Variants in RUNDC3B observed in about 807,000 individuals in gnomAD.
The protein encoded by RUNDC3B is RUN domain-containing protein 3B.
In RUNDC3B, 33 loss-of-function variants were observed where a neutral mutation model predicts 58.4. The ratio of observed to expected loss-of-function variants is 0.56; its 90% CI spans 0.43 to 0.75. RUNDC3B has a LOEUF of 0.75. Ranked by LOEUF, RUNDC3B falls within the 30% of genes least tolerant of loss-of-function variation. The probability of loss-of-function intolerance (pLI) is 0.00; values close to 1 mark genes in which losing one functional copy is unlikely to be tolerated. For missense variants in RUNDC3B, 501 were observed against 535.7 expected, an observed-to-expected ratio of 0.94 and a Z score of 0.64; for synonymous variants, 193 against 195.2, an observed-to-expected ratio of 0.99 and a Z score of 0.10.
chr7:87,631,205 TTGTC>T (rs984207143), intron 1 of RUNDC3B, among the ~76,000 whole-genome samples: 1 of 152,200 alleles, frequency 6.6e-6, no homozygotes, highest in African/African-American at 2.4e-5. Context: ...ATGATAGGCT[TTGTC>T]TGAATGACTT....
chr7:87,655,154 G>T (rs563888193), intron 2 of RUNDC3B, among the ~76,000 whole-genome samples: 1 of 152,146 alleles, frequency 6.6e-6, no homozygotes, highest in East Asian at 1.9e-4. Context: ...ACTGCCATTA[G>T]TCTTCTATGT....
intron 7 of RUNDC3B, among the ~76,000 whole-genome samples, chr7:87,773,605 G>C (rs1834423792): frequency 6.6e-6 from 1 of 152,054 alleles, no homozygotes; most frequent in Admixed American, 6.6e-5. Flanking sequence ...AAGCATATAT[G>C]GAACAGCTAT....
chr7:87,829,246 T>C (rs538921324), intron 10 of RUNDC3B, among the ~76,000 whole-genome samples: 2 of 152,336 alleles, frequency 1.3e-5, no homozygotes, highest in South Asian at 4.1e-4. Flanking sequence ...ACAAATATTT[T>C]CTCCCATTCT....
intron 4 of RUNDC3B, among the ~76,000 whole-genome samples, chr7:87,728,763 G>T (rs1831396254): frequency 6.6e-6 from 1 of 152,106 alleles, no homozygotes; most frequent in South Asian, 2.1e-4. Context: ...ATATATTTTA[G>T]AAGGCATTAT....
intron 2 of RUNDC3B, among the ~76,000 whole-genome samples, chr7:87,699,307 A>C (rs1056838210): frequency 6.6e-6 from 1 of 152,346 alleles, no homozygotes; most frequent in South Asian, 2.1e-4. Flanking sequence ...GACTAGTCAT[A>C]CTAGACAACT....
chr7:87,774,317 TA>T (rs1371464776), intron 7 of RUNDC3B, among the ~76,000 whole-genome samples: 1 of 151,862 alleles, frequency 6.6e-6, no homozygotes, highest in African/African-American at 2.4e-5. Flanking sequence ...CAATGAAAAT[TA>T]AAGAGATAAG....
intron 4 of RUNDC3B, among the ~76,000 whole-genome samples, chr7:87,714,729 AGGAC>A (rs1830393562): frequency 6.6e-6 from 1 of 152,074 alleles, no homozygotes; most frequent in Non-Finnish European, 1.5e-5. Flanking sequence ...TGGCAAGATG[AGGAC>A]GTTTATAGCC....
chr7:87,694,881 G>A (rs1828364486), intron 2 of RUNDC3B, among the ~76,000 whole-genome samples: 1 of 151,930 alleles, frequency 6.6e-6, no homozygotes, highest in East Asian at 1.9e-4. Context: ...TTTTTGTTTT[G>A]GAAAATTAAG....
rs148832461 is a variant in RUNDC3B, at chr7:87,729,170, G to A, written c.459-10621G>A. Among the ~76,000 whole-genome samples the A allele has an allele frequency of 1.7e-3, 256 of 152,140 alleles. 6 individuals are homozygous for A. The East Asian group carries it at 0.039, about 23-fold the overall frequency. ...AATATATAATAACTGAGGAAAGTGGGGCAAGATGGATGAAAAGAAGGCTCC... is the reference window on the plus strand; with the variant it reads ...AATATATAATAACTGAGGAAAGTGGAGCAAGATGGATGAAAAGAAGGCTCC... On this transcript the variant is annotated intron_variant, in intron 4 of 10. Coordinates refer to ENST00000394654, the MANE Select transcript of RUNDC3B (RefSeq NM_001134405.2).
intron 2 of RUNDC3B, among the ~76,000 whole-genome samples, chr7:87,680,266 C>T (rs554520037): frequency 6.6e-6 from 1 of 150,686 alleles, no homozygotes; most frequent in South Asian, 2.1e-4. Flanking sequence ...TTTCTTAATC[C>T]AGTCTATCAT....
intron 3 of RUNDC3B, chr7:87,709,343 T>A (rs1829869008): frequency 1.0e-6 from 1 of 985,302 alleles, no homozygotes; most frequent in Non-Finnish European, 1.2e-6. Flanking sequence ...TCTGTGTCTT[T>A]TAGATGAAAT....
intron 8 of RUNDC3B, among the ~76,000 whole-genome samples, chr7:87,787,546 A>T (rs1047239361): frequency 6.6e-6 from 1 of 152,174 alleles, no homozygotes; most frequent in Non-Finnish European, 1.5e-5. Context: ...ATGTCGTTGA[A>T]TACTCATAAA....
intron 6 of RUNDC3B, among the ~76,000 whole-genome samples, chr7:87,767,109 T>C (rs983384203): frequency 6.6e-6 from 1 of 152,212 alleles, no homozygotes; most frequent in African/African-American, 2.4e-5. Context: ...TTTAAAAATA[T>C]CTACCTAACT....
chr7:87,650,966 C>G (rs948146761), intron 2 of RUNDC3B, 29 bp downstream of exon 2: 3 of 1,276,606 alleles, frequency 2.3e-6, no homozygotes, highest in Non-Finnish European at 3.4e-6. Flanking sequence ...TATTTATTTT[C>G]CCACCAGCTG....
chr7:87,819,645 C>A (rs1242221165), intron 10 of RUNDC3B, among the ~76,000 whole-genome samples: 2 of 152,148 alleles, frequency 1.3e-5, no homozygotes, highest in Non-Finnish European at 2.9e-5. Flanking sequence ...AAGTAAAGCA[C>A]TCCTCAGCAA....
chr7:87,768,077 G>A (rs1026954266), intron 6 of RUNDC3B, among the ~76,000 whole-genome samples: 26 of 152,078 alleles, frequency 1.7e-4, no homozygotes, highest in African/African-American at 6.3e-4. Flanking sequence ...CTTTATTTAA[G>A]CCCAGGTGAT....
Position 87,830,012 on chromosome 7 carries a change from A to G in RUNDC3B, c.1353A>G (p.Pro451=). Residue 451 remains proline, a synonymous_variant, in exon 11 of 11, where the codon CCA becomes CCG. Coordinates refer to ENST00000394654, the MANE Select transcript of RUNDC3B (RefSeq NM_001134405.2). ...LASPTTEMTS[P]GLTPS is the part of the protein sequence containing the mutation. The stretch of plus-strand genomic sequence containing the variant: ...GTCCTACAACAGAGATGACAAGTCC[A>G]GGCCTAACTCCATCCTGAAAATTTT... 6.3e-7 allele frequency: 1 copy of G among 1,595,558 alleles called. No individual in the cohort carries two copies. Among genetic ancestry groups the G allele is most frequent in the Non-Finnish European group, 8.5e-7 (1 of 1,172,746 alleles).
chr7:87,721,237 G>A (rs969979581), intron 4 of RUNDC3B, among the ~76,000 whole-genome samples: 2 of 151,904 alleles, frequency 1.3e-5, no homozygotes, highest in Non-Finnish European at 2.9e-5. Flanking sequence ...AAAATGGGAG[G>A]AGATAATAAA....
rs28381745 is a variant in RUNDC3B, at chr7:87,678,193, A to G, written c.239-22228A>G. 3.0e-3 allele frequency among the ~76,000 whole-genome samples: 455 copies of G among 152,294 alleles called. 2 individuals carry two copies. Among genetic ancestry groups the G allele is most frequent in the African/African-American group, 0.011 (439 of 41,558 alleles). ...GTCTTTCAATATGACTACTCAAGCAATCCTCCCATTTCAGCCTCTCAAAGT... is the reference window on the plus strand; with the variant it reads ...GTCTTTCAATATGACTACTCAAGCAGTCCTCCCATTTCAGCCTCTCAAAGT... On this transcript the variant is annotated intron_variant, in intron 2 of 10. Coordinates refer to ENST00000394654, the MANE Select transcript of RUNDC3B (RefSeq NM_001134405.2).
Sources: gnomAD v4.1 joint callset for allele counts (sites outside exome capture counted in the v4.1 genomes callset) on GRCh38, gnomAD v4.1.1 for gene constraint, MANE v1.5 for transcripts, NCBI Gene and HGNC (gene_info 2026-07-23, HGNC 2026-07-21) for gene names.